RGS6: variants seen among roughly 807,000 people sequenced by gnomAD.
RGS6 encodes the protein regulator of G protein signaling 6, also known as regulator of G-protein signaling 6.
In RGS6, 30 loss-of-function variants were observed where a neutral mutation model predicts 78.5. That is an observed-to-expected ratio of 0.38 (90% CI 0.29 to 0.52). RGS6 has a LOEUF of 0.52. RGS6 is among the 20% of genes least tolerant of loss of function. The probability of loss-of-function intolerance (pLI) is 0.85; values close to 1 mark genes in which losing one functional copy is unlikely to be tolerated. For synonymous variants in RGS6, 206 were observed against 206.0 expected, an observed-to-expected ratio of 1.00 and a Z score of 0.00; for missense variants, 495 against 609.7, an observed-to-expected ratio of 0.81 and a Z score of 1.98.
intron 17 of RGS6, among the ~76,000 whole-genome samples, chr14:72,545,386 C>A (rs1481357849): frequency 6.6e-6 from 1 of 152,230 alleles, no homozygotes; most frequent in Non-Finnish European, 1.5e-5. Flanking sequence ...ACCTCAGCAG[C>A]CCTCCTGCAG....
At chr14:72,085,940 T>C (rs1053909789) in intron 2 of RGS6, among the ~76,000 whole-genome samples, 2 of 151,414 alleles carry the variant, frequency 1.3e-5, no homozygotes, top group Admixed American at 1.3e-4. Context: ...GCAGGTTACC[T>C]TTGTTTCCTC....
rs1268304294 is a variant in RGS6, at chr14:71,977,533, T to A, written c.84+12658T>A. Among the ~76,000 whole-genome samples, 5 of 150,306 alleles carry A rather than the reference T, an allele frequency of 3.3e-5. No individual in the cohort carries two copies. The East Asian group carries it at 9.7e-4, about 29-fold the overall frequency. ...ATTAAATAGGGAATCCTTTCTCCAT[T>A]GCTTGTTTTTCTCAGGTTTGTCAAA... On this transcript the variant is annotated intron_variant, in intron 2 of 17. Coordinates refer to ENST00000553525, the MANE Select transcript of RGS6 (RefSeq NM_001204424.2).
chr14:72,295,397 G>A (rs2064591825), intron 2 of RGS6, among the ~76,000 whole-genome samples: 1 of 152,038 alleles, frequency 6.6e-6, no homozygotes, highest in African/African-American at 2.4e-5. Flanking sequence ...GGAGAGGAAA[G>A]ACAAGGAGTG....
At chr14:72,055,102 T>C (rs553014659) in intron 2 of RGS6, among the ~76,000 whole-genome samples, 9 of 152,242 alleles carry the variant, frequency 5.9e-5, no homozygotes, top group Non-Finnish European at 1.0e-4. Context: ...TTGCGTCTCC[T>C]GGCATGCATG....
intron 2 of RGS6, among the ~76,000 whole-genome samples, chr14:72,040,418 A>G (rs969551939): frequency 1.2e-4 from 18 of 151,080 alleles, no homozygotes; most frequent in African/African-American, 3.4e-4. Context: ...TTCTTTTAGC[A>G]TGTTGAGTAT....
intron 2 of RGS6, among the ~76,000 whole-genome samples, chr14:72,203,162 A>G (rs893599918): frequency 1.3e-5 from 2 of 152,162 alleles, no homozygotes; most frequent in Non-Finnish European, 2.9e-5. Context: ...GGCGTGAGCC[A>G]CTGCACCCTG....
chr14:72,341,088 G>C (rs984936917), intron 2 of RGS6, among the ~76,000 whole-genome samples: 3 of 152,172 alleles, frequency 2.0e-5, no homozygotes, highest in Non-Finnish European at 4.4e-5. Context: ...CTACTATAAA[G>C]ACATAGCTGG....
intron 3 of RGS6, among the ~76,000 whole-genome samples, chr14:72,426,894 A>C (rs1193189372): frequency 6.6e-6 from 1 of 152,226 alleles, no homozygotes; most frequent in Non-Finnish European, 1.5e-5. Flanking sequence ...CAACACTATG[A>C]AACTGCCAAG....
intron 2 of RGS6, among the ~76,000 whole-genome samples, chr14:71,977,308 T>A (rs2094187737): frequency 1.6e-5 from 1 of 61,278 alleles, no homozygotes; most frequent in African/African-American, 7.4e-5. Context: ...TGCCATTGCT[T>A]TTGGTGTTTT....
intron 2 of RGS6, among the ~76,000 whole-genome samples, chr14:72,199,055 A>G (rs1031570822): frequency 1.3e-5 from 2 of 152,164 alleles, no homozygotes; most frequent in African/African-American, 4.8e-5. Flanking sequence ...GTGAATGTAC[A>G]ATTTCAGGGA....
intron 2 of RGS6, among the ~76,000 whole-genome samples, chr14:72,331,278 G>T (rs1190271050): frequency 6.6e-6 from 1 of 151,456 alleles, no homozygotes; most frequent in African/African-American, 2.4e-5. Flanking sequence ...GAGCTATTTG[G>T]TTTTTGAACA....
chr14:72,599,393 C>CTTTTGT, the RGS6 span, among the ~76,000 whole-genome samples: 84 of 78,226 alleles, frequency 1.1e-3, 19 homozygotes, highest in African/African-American at 3.5e-3. Flanking sequence ...CTTTTCTTTC[C>CTTTTGT]TTTTTTTTTT....
the RGS6 span, among the ~76,000 whole-genome samples, chr14:71,879,192 T>C: frequency 1.3e-5 from 2 of 152,252 alleles, no homozygotes; most frequent in African/African-American, 4.8e-5. Flanking sequence ...AAAAATTATT[T>C]TCATTTGCCC....
chr14:72,111,370 G>A (rs2095757970), intron 2 of RGS6, among the ~76,000 whole-genome samples: 1 of 152,090 alleles, frequency 6.6e-6, no homozygotes, highest in Non-Finnish European at 1.5e-5. Flanking sequence ...CTGGTGAATG[G>A]CCATTCCATG....
intron 2 of RGS6, among the ~76,000 whole-genome samples, chr14:72,103,309 T>C (rs1375646946): frequency 2.6e-5 from 4 of 152,194 alleles, no homozygotes; most frequent in Non-Finnish European, 5.9e-5. Flanking sequence ...TGTATTTAAG[T>C]ATCACTTAGG....
chr14:72,014,894 T>C (rs1381301008), intron 2 of RGS6, among the ~76,000 whole-genome samples: 1 of 152,236 alleles, frequency 6.6e-6, no homozygotes, highest in African/African-American at 2.4e-5. Context: ...AATGTTGCCA[T>C]GCTTCATTCC....
intron 4 of RGS6, among the ~76,000 whole-genome samples, chr14:72,457,215 G>A (rs534523923): frequency 1.3e-5 from 2 of 151,826 alleles, no homozygotes; most frequent in South Asian, 4.2e-4. Flanking sequence ...TTCTTGATAC[G>A]CAAAACATTG....
intron 2 of RGS6, among the ~76,000 whole-genome samples, chr14:72,108,249 T>C (rs1327884243): frequency 6.6e-6 from 1 of 152,168 alleles, no homozygotes; most frequent in Non-Finnish European, 1.5e-5. Flanking sequence ...CTAGATACAT[T>C]AGATCATATC....
At chr14:72,350,244 G>A (rs1044445984) in intron 2 of RGS6, among the ~76,000 whole-genome samples, 6 of 152,184 alleles carry the variant, frequency 3.9e-5, no homozygotes, top group Non-Finnish European at 7.4e-5. Context: ...ACCCAGAAGA[G>A]TCCAGTGAGA....
Sources: allele counts gnomAD v4.1 joint callset (sites outside exome capture counted in the v4.1 genomes callset), GRCh38; gene constraint gnomAD v4.1.1; transcripts MANE v1.5; gene names NCBI Gene and HGNC (gene_info 2026-07-23, HGNC 2026-07-21).